OSBPL8: variants seen among roughly 807,000 people sequenced by gnomAD.
OSBPL8 encodes oxysterol-binding protein-related protein 8.
Under a neutral mutation model 125.5 loss-of-function variants are expected in OSBPL8, and 59 were observed. The observed-to-expected ratio is 0.47, with a 90% confidence interval of 0.38 to 0.58. The LOEUF (loss-of-function observed/expected upper bound fraction) is 0.58. Among genes scored for constraint, OSBPL8 ranks in the 20% least tolerant of loss-of-function variants. The pLI is 0.00. For synonymous variants in OSBPL8, 330 were observed against 338.9 expected (o/e 0.97, Z 0.29); for missense variants, 758 against 1,047.8 (o/e 0.72, Z 3.82).
chr12:76,430,002 C>T (rs1034674461), intron 4 of OSBPL8, among the ~76,000 whole-genome samples: 10 of 152,274 alleles, frequency 6.6e-5, no homozygotes, highest in Non-Finnish European at 1.3e-4. Flanking sequence ...CCCACTAGCA[C>T]CCCTGGTAAC....
At chr12:76,390,259 G>T in intron 11 of OSBPL8, 161 bp downstream of exon 11, 1 of 580,974 alleles carries the variant, frequency 1.7e-6, no homozygotes, top group South Asian at 2.5e-5. Flanking sequence ...GTGTTTAGTT[G>T]TTTGTAAATC....
chr12:76,526,408 C>T (rs539226031), intron 1 of OSBPL8, among the ~76,000 whole-genome samples: 3 of 152,040 alleles, frequency 2.0e-5, no homozygotes, highest in Non-Finnish European at 4.4e-5. Context: ...CCCATATCAA[C>T]ATTTCTCAGT....
intron 1 of OSBPL8, among the ~76,000 whole-genome samples, chr12:76,534,612 T>C (rs922396996): frequency 6.6e-6 from 1 of 152,126 alleles, no homozygotes; most frequent in African/African-American, 2.4e-5. Context: ...GGCAACATCT[T>C]GGAAAGCAGA....
chr12:76,414,716 G>A (rs570278058), intron 4 of OSBPL8, among the ~76,000 whole-genome samples: 6 of 152,072 alleles, frequency 3.9e-5, no homozygotes, highest in Admixed American at 6.6e-5. Flanking sequence ...ACCTCCCAAA[G>A]TGCTGGAATT....
intron 1 of OSBPL8, among the ~76,000 whole-genome samples, chr12:76,521,328 C>T (rs1470615014): frequency 1.3e-5 from 2 of 152,098 alleles, no homozygotes; most frequent in Admixed American, 6.6e-5. Flanking sequence ...GTGGAGAAAC[C>T]GGAACTTGTG....
chr12:76,511,733 A>T (rs75235067), intron 1 of OSBPL8, among the ~76,000 whole-genome samples: 1 of 152,102 alleles, frequency 6.6e-6, no homozygotes, highest in Non-Finnish European at 1.5e-5. Context: ...GCTTAATTAG[A>T]TCCCACTTGT....
chr12:76,479,153 A>G (rs983635050), intron 2 of OSBPL8, among the ~76,000 whole-genome samples: 1 of 152,236 alleles, frequency 6.6e-6, no homozygotes, highest in Non-Finnish European at 1.5e-5. Flanking sequence ...GTGGCAAAAG[A>G]CAAAATACCT....
At chr12:76,528,861 T>A (rs1407310410) in intron 1 of OSBPL8, among the ~76,000 whole-genome samples, 5 of 151,180 alleles carry the variant, frequency 3.3e-5, no homozygotes, top group African/African-American at 7.3e-5. Flanking sequence ...CTCAAAAAAA[T>A]AAAAATAAAA....
chr12:76,447,078 A>G (rs1037224945), intron 4 of OSBPL8, among the ~76,000 whole-genome samples: 1 of 152,250 alleles, frequency 6.6e-6, no homozygotes, highest in Non-Finnish European at 1.5e-5. Context: ...CAAGAATGAC[A>G]GAATTATAAA....
At chr12:76,451,532 T>C (rs2136741420) in intron 3 of OSBPL8, among the ~76,000 whole-genome samples, 1 of 152,334 alleles carries the variant, frequency 6.6e-6, no homozygotes, top group African/African-American at 2.4e-5. Flanking sequence ...GGTCAGAGAT[T>C]GCCTTGCCTG....
intron 1 of OSBPL8, among the ~76,000 whole-genome samples, chr12:76,539,249 T>C (rs944918291): frequency 2.0e-5 from 3 of 152,182 alleles, no homozygotes; most frequent in Non-Finnish European, 2.9e-5. Context: ...ATTTTCTCAA[T>C]ATTCTTCTCT....
intron 9 of OSBPL8, among the ~76,000 whole-genome samples, chr12:76,393,399 A>G (rs1953646141): frequency 6.6e-6 from 1 of 152,180 alleles, no homozygotes; most frequent in Admixed American, 6.5e-5. Flanking sequence ...TTGAAAGCTC[A>G]TACCTATATT....
intron 1 of OSBPL8, among the ~76,000 whole-genome samples, chr12:76,514,328 A>G (rs1398469851): frequency 7.3e-6 from 1 of 136,424 alleles, no homozygotes; most frequent in South Asian, 2.3e-4. Flanking sequence ...TTTTTTTTGT[A>G]TTTTTAGTAG....
intron 4 of OSBPL8, among the ~76,000 whole-genome samples, chr12:76,438,288 G>A (rs1299370889): frequency 6.8e-6 from 1 of 146,822 alleles, no homozygotes; most frequent in East Asian, 2.1e-4. Flanking sequence ...GCCCAGCCCA[G>A]TAACTTCTTA....
chr12:76,415,993 G>A (rs927540581), intron 4 of OSBPL8, among the ~76,000 whole-genome samples: 2 of 151,900 alleles, frequency 1.3e-5, no homozygotes, highest in African/African-American at 4.8e-5. Flanking sequence ...ACTTAAGAAA[G>A]ATACTTAGCT....
chr12:76,487,063 T>C (rs1287824449), intron 2 of OSBPL8, among the ~76,000 whole-genome samples: 1 of 145,214 alleles, frequency 6.9e-6, no homozygotes, highest in Admixed American at 7.0e-5. Flanking sequence ...CGAGTCTGAC[T>C]TTGTCGCCCA....
intron 1 of OSBPL8, among the ~76,000 whole-genome samples, chr12:76,508,821 T>A (rs1348907397): frequency 1.3e-5 from 2 of 152,188 alleles, no homozygotes; most frequent in African/African-American, 4.8e-5. Context: ...AGGGAGGAAC[T>A]CTCAGTTCTG....
intron 1 of OSBPL8, among the ~76,000 whole-genome samples, chr12:76,532,955 T>C (rs755571242): frequency 6.6e-6 from 1 of 152,218 alleles, no homozygotes. Flanking sequence ...TCCTAGTAAA[T>C]CATTTAAGTT....
intron 4 of OSBPL8, among the ~76,000 whole-genome samples, chr12:76,421,050 C>A (rs1401005485): frequency 6.6e-6 from 1 of 151,904 alleles, no homozygotes; most frequent in Non-Finnish European, 1.5e-5. Flanking sequence ...TAAATAAGTA[C>A]CAAACTTAAA....
Sources: allele counts gnomAD v4.1 joint callset (sites outside exome capture counted in the v4.1 genomes callset), GRCh38; gene constraint gnomAD v4.1.1; transcripts MANE v1.5; gene names NCBI Gene and HGNC (gene_info 2026-07-23, HGNC 2026-07-21).